MKLN1: variants seen among roughly 807,000 people sequenced by gnomAD.
MKLN1 encodes the protein muskelin.
A neutral mutation model predicts 99.0 loss-of-function variants in MKLN1; 18 were observed. That is an observed-to-expected ratio of 0.18 (90% CI 0.13 to 0.27). The LOEUF (loss-of-function observed/expected upper bound fraction) is 0.27, where lower values mean the gene tolerates loss of function less well. MKLN1 is among the 10% of genes least tolerant of loss of function. MKLN1 has a pLI of 1.00. For missense variants in MKLN1, 621 were observed against 875.9 expected, an observed-to-expected ratio of 0.71 and a Z score of 3.67; for synonymous variants, 288 against 293.2, an observed-to-expected ratio of 0.98 and a Z score of 0.18.
rs957448647 is a variant in MKLN1, at chr7:131,328,127, G to A, written c.98+130G>A. On this transcript the variant is annotated intron_variant, in intron 1 of 17. Transcript: ENST00000352689. ...CTGCTGAGGGGGACGTGCGGCCTCC[G>A]GAGTCTTAGTTCAGCTGCTGAGAGC... is the stretch of plus-strand genomic sequence containing the variant. The A allele has an allele frequency of 5.7e-5, 65 of 1,147,798 alleles. No individual in the cohort carries two copies. In the African/African-American group the frequency reaches 8.1e-4, roughly 14 times the overall value. 71.1% of individuals were successfully genotyped at this position (1,147,798 alleles called of 1,614,324 possible).
Position 131,492,045 on chromosome 7 carries a change from C to A in MKLN1, c.*4317C>A, listed in dbSNP as rs1354769205. 6.6e-6 allele frequency: 1 copy of A among 152,126 alleles called. No homozygotes were observed. The highest frequency in any genetic ancestry group is 1.5e-5 in the Non-Finnish European group (1 of 68,002). 9.4% of individuals were successfully genotyped at this position (152,126 alleles called of 1,614,324 possible). A position where few individuals can be genotyped will look rare whatever the true frequency, so the allele number is the denominator to read the frequency against. On this transcript the variant is annotated 3_prime_UTR_variant, in exon 18 of 18. Coordinates refer to ENST00000352689, the MANE Select transcript of MKLN1 (RefSeq NM_013255.5). Reference sequence around the variant, plus strand: ...GCTATAAATGTACTTGAGTCATTTTCATTTGGGGATAGTAATAATGGCTGT... The same window carrying A: ...GCTATAAATGTACTTGAGTCATTTTAATTTGGGGATAGTAATAATGGCTGT...
At chr7:131,332,465 AAT>A (rs1799106650) in intron 1 of MKLN1, among the ~76,000 whole-genome samples, 2 of 148,674 alleles carry the variant, frequency 1.3e-5, no homozygotes, top group Non-Finnish European at 3.0e-5. Context: ...TATATATTAA[AAT>A]ATATTTTATA....
chr7:131,269,035 G>GT (rs1797848076), intron 3 of MKLN1, among the ~76,000 whole-genome samples: 2 of 152,196 alleles, frequency 1.3e-5, no homozygotes, highest in Admixed American at 6.5e-5. Context: ...CATGCTGATT[G>GT]TAAGTTGCGA....
chr7:131,156,324 G>A (rs924227836), intron 2 of MKLN1, among the ~76,000 whole-genome samples: 3 of 151,494 alleles, frequency 2.0e-5, no homozygotes, highest in South Asian at 2.1e-4. Flanking sequence ...TCAGGAGATC[G>A]AGACCATCCT....
At chr7:131,251,906 T>C (rs1017876984) in intron 3 of MKLN1, among the ~76,000 whole-genome samples, 2 of 152,150 alleles carry the variant, frequency 1.3e-5, no homozygotes, top group African/African-American at 4.8e-5. Flanking sequence ...CTTGAACTCC[T>C]GGGCTCAAGC....
At chr7:131,121,153 A>G (rs1297390588) in intron 1 of MKLN1, among the ~76,000 whole-genome samples, 1 of 152,170 alleles carries the variant, frequency 6.6e-6, no homozygotes, top group Non-Finnish European at 1.5e-5. Flanking sequence ...GACAGGGTGA[A>G]GGGGGAAGTG....
intron 1 of MKLN1, among the ~76,000 whole-genome samples, chr7:131,139,299 A>C (rs535517439): frequency 6.6e-6 from 1 of 152,110 alleles, no homozygotes; most frequent in South Asian, 2.1e-4. Flanking sequence ...TGTGTGGTCT[A>C]TTGGCTCTAA....
chr7:131,459,912 G>A lies in MKLN1; in HGVS notation c.1526-3305G>A, dbSNP rs113114424. Among the ~76,000 whole-genome samples, 533 of 152,098 alleles carry A rather than the reference G, an allele frequency of 3.5e-3. 2 individuals are homozygous for A. Among genetic ancestry groups the A allele is most frequent in the African/African-American group, 0.012 (507 of 41,498 alleles). On this transcript the variant is annotated intron_variant, in intron 12 of 17. Coordinates refer to ENST00000352689, the MANE Select transcript of MKLN1 (RefSeq NM_013255.5). ...TTTTCAGATAATTTGGCTTCGATGGGTATATCCTCTGTGTCCTTTAACTTT... is the reference window on the plus strand; with the variant it reads ...TTTTCAGATAATTTGGCTTCGATGGATATATCCTCTGTGTCCTTTAACTTT...
intron 3 of MKLN1, among the ~76,000 whole-genome samples, chr7:131,224,184 G>A (rs954453859): frequency 3.9e-5 from 6 of 152,176 alleles, no homozygotes; most frequent in East Asian, 1.9e-4. Context: ...ACAATCAATC[G>A]CTTGAGGCCA....
intron 3 of MKLN1, among the ~76,000 whole-genome samples, chr7:131,205,354 CAT>C (rs1318697628): frequency 6.6e-6 from 1 of 152,116 alleles, no homozygotes; most frequent in African/African-American, 2.4e-5. Context: ...GAAATTAAAA[CAT>C]ATTAATTAAA....
intron 2 of MKLN1, among the ~76,000 whole-genome samples, chr7:131,177,137 C>T (rs1487161884): frequency 6.6e-6 from 1 of 152,132 alleles, no homozygotes; most frequent in Non-Finnish European, 1.5e-5. Context: ...TCTTTTATGG[C>T]CACATATGTG....
chr7:131,444,749 AGTAGTAGTAGAAGAAGT>A (rs1563351897), intron 11 of MKLN1, among the ~76,000 whole-genome samples: 1,179 of 103,562 alleles, frequency 0.011, 21 homozygotes, highest in East Asian at 0.053. Context: ...TAGTAGTAGT[AGTAGTAGTAGAAGAAGT>A]AGTAGTAGTA....
At chr7:131,483,645 CA>C (rs940755103) in intron 17 of MKLN1, among the ~76,000 whole-genome samples, 1 of 152,166 alleles carries the variant, frequency 6.6e-6, no homozygotes, top group Non-Finnish European at 1.5e-5. Context: ...GAATGCCAGA[CA>C]GCACTTTGGC....
chr7:131,221,844 A>G (rs976932202), intron 3 of MKLN1, among the ~76,000 whole-genome samples: 1 of 151,256 alleles, frequency 6.6e-6, no homozygotes, highest in Non-Finnish European at 1.5e-5. Context: ...TAAATGTAAC[A>G]CTTAAATAGT....
At chr7:131,396,884 G>C (rs1267769071) in intron 4 of MKLN1, among the ~76,000 whole-genome samples, 1 of 152,102 alleles carries the variant, frequency 6.6e-6, no homozygotes, top group Non-Finnish European at 1.5e-5. Flanking sequence ...TGGATTTCAG[G>C]GTTGTGCCAC....
chr7:131,305,745 G>T (rs147852551), intron 3 of MKLN1, among the ~76,000 whole-genome samples: 2 of 152,246 alleles, frequency 1.3e-5, no homozygotes, highest in Admixed American at 1.3e-4. Context: ...GAAGTAGGGC[G>T]CTTGTATGGC....
intron 6 of MKLN1, among the ~76,000 whole-genome samples, chr7:131,400,056 A>G (rs1004656090): frequency 7.9e-5 from 12 of 151,286 alleles, no homozygotes; most frequent in African/African-American, 2.9e-4. Flanking sequence ...TTATAGTATG[A>G]CTTTTTTTTT....
chr7:131,160,030 G>A (rs1044249817), intron 2 of MKLN1, among the ~76,000 whole-genome samples: 13 of 151,674 alleles, frequency 8.6e-5, no homozygotes, highest in African/African-American at 2.7e-4. Flanking sequence ...GAACACTTCC[G>A]TCATCCTAGA....
chr7:131,270,860 C>T (rs184680262), intron 3 of MKLN1, among the ~76,000 whole-genome samples: 3,050 of 147,084 alleles, frequency 0.021, 51 homozygotes, highest in Middle Eastern at 0.038. Context: ...CCTTGAATCA[C>T]CTTTTTTTTT....
Sources: allele counts gnomAD v4.1 joint callset (sites outside exome capture counted in the v4.1 genomes callset), GRCh38; gene constraint gnomAD v4.1.1; transcripts MANE v1.5; gene names NCBI Gene and HGNC (gene_info 2026-07-23, HGNC 2026-07-21).